PTPRD: variants seen among roughly 807,000 people sequenced by gnomAD.
The protein encoded by PTPRD is receptor-type tyrosine-protein phosphatase delta.
PTPRD carries 34 observed loss-of-function variants against 214.5 expected under a neutral mutation model. The ratio of observed to expected loss-of-function variants is 0.16; its 90% confidence interval spans 0.12 to 0.21. The LOEUF (loss-of-function observed/expected upper bound fraction) is 0.21, where lower values mean the gene tolerates loss of function less well. PTPRD is among the 10% of genes least tolerant of loss of function. The probability of loss-of-function intolerance (pLI) is 1.00; values close to 1 mark genes in which losing one functional copy is unlikely to be tolerated. For missense variants in PTPRD, 2,545 were observed against 2,398.7 expected, an observed-to-expected ratio of 1.06 and a Z score of -1.27; for synonymous variants, 1,128 against 845.7, an observed-to-expected ratio of 1.33 and a Z score of -5.79.
rs114116123 is a variant in PTPRD, at chr9:9,157,974, G to A, written c.-143+25330C>T. 6.3e-3 allele frequency among the ~76,000 whole-genome samples: 956 copies of A among 152,142 alleles called. 10 individuals carry two copies. Among genetic ancestry groups the A allele is most frequent in the African/African-American group, 0.021 (880 of 41,512 alleles). On this transcript the variant is annotated intron_variant, in intron 10 of 45. Coordinates refer to ENST00000381196, the MANE Select transcript of PTPRD (RefSeq NM_002839.4). The stretch of plus-strand genomic sequence containing the variant: ...TTATAAGTAAGAACATGTAGTGTTC[G>A]GTTTTCTGTTCCTGCGTGTTTGCTA...
At chr9:8,526,994 T>C (rs1035557532) in intron 16 of PTPRD, among the ~76,000 whole-genome samples, 5 of 151,848 alleles carry the variant, frequency 3.3e-5, no homozygotes, top group African/African-American at 1.2e-4. Context: ...AAAGACATAG[T>C]TTAGGAAAAT....
chr9:10,576,937 T>C (rs1320904691), intron 2 of PTPRD, among the ~76,000 whole-genome samples: 4 of 150,238 alleles, frequency 2.7e-5, no homozygotes, highest in Non-Finnish European at 4.4e-5. Flanking sequence ...GCCATGTCTC[T>C]AGTACTTATT....
chr9:9,208,722 T>C (rs1309837202), intron 9 of PTPRD, among the ~76,000 whole-genome samples: 1 of 152,086 alleles, frequency 6.6e-6, no homozygotes, highest in Non-Finnish European at 1.5e-5. Flanking sequence ...CATTAGTTTG[T>C]AGACACTAAT....
intron 2 of PTPRD, among the ~76,000 whole-genome samples, chr9:10,459,290 A>G (rs111627052): frequency 0.022 from 3,338 of 152,014 alleles, 101 homozygotes; most frequent in African/African-American, 0.068. Context: ...TCTTTATCCA[A>G]TGTATTATTG....
At chr9:10,133,616 T>C (rs1327959110) in intron 3 of PTPRD, among the ~76,000 whole-genome samples, 2 of 152,138 alleles carry the variant, frequency 1.3e-5, no homozygotes, top group Non-Finnish European at 2.9e-5. Context: ...CTATATAGTA[T>C]GAAATATAAC....
At chr9:8,517,769 CCTT>C in intron 21 of PTPRD, 76 bp downstream of exon 21, 1 of 1,222,036 alleles carries the variant, frequency 8.2e-7, no homozygotes, top group East Asian at 2.4e-5. Flanking sequence ...CATCTTTGTT[CCTT>C]CTTTGTTTTT....
chr9:9,606,850 C>T (rs1297733491), intron 7 of PTPRD, among the ~76,000 whole-genome samples: 2 of 151,398 alleles, frequency 1.3e-5, no homozygotes, highest in Non-Finnish European at 2.9e-5. Flanking sequence ...GTCTGACTAT[C>T]CTCCAAGCAC....
intron 4 of PTPRD, among the ~76,000 whole-genome samples, chr9:10,018,191 AGG>A (rs2096763292): frequency 8.6e-6 from 1 of 116,274 alleles, no homozygotes. Flanking sequence ...GGGGAAGAGG[AGG>A]AGAGAGAGAG....
chr9:9,310,653 C>A (rs1183644242), intron 9 of PTPRD, among the ~76,000 whole-genome samples: 1 of 152,088 alleles, frequency 6.6e-6, no homozygotes, highest in Non-Finnish European at 1.5e-5. Flanking sequence ...TGTGGTGGCT[C>A]GCGCCTGTAA....
At chr9:8,711,977 G>A (rs1282764879) in intron 12 of PTPRD, among the ~76,000 whole-genome samples, 1 of 152,210 alleles carries the variant, frequency 6.6e-6, no homozygotes, top group African/African-American at 2.4e-5. Flanking sequence ...GGCAGTGTGA[G>A]GGAAATTCTG....
intron 8 of PTPRD, among the ~76,000 whole-genome samples, chr9:9,539,221 T>A (rs2077096251): frequency 6.6e-6 from 1 of 151,828 alleles, no homozygotes; most frequent in Admixed American, 6.6e-5. Context: ...GATATGCAGA[T>A]GGGATGCACA....
At chr9:8,812,794 T>G (rs7855611) in intron 11 of PTPRD, among the ~76,000 whole-genome samples, 3,779 of 151,566 alleles carry the variant, frequency 0.025, 103 homozygotes, top group African/African-American at 0.071. Context: ...GATCTTGGAC[T>G]TACCTCAGAA....
chr9:8,320,865 G>T (rs140908458), intron 44 of PTPRD, among the ~76,000 whole-genome samples: 334 of 152,232 alleles, frequency 2.2e-3, no homozygotes, highest in African/African-American at 7.4e-3. Context: ...TTCAGATAAT[G>T]AGGGAAACAG....
At chr9:9,093,008 G>A (rs1042537659) in intron 10 of PTPRD, among the ~76,000 whole-genome samples, 7 of 151,840 alleles carry the variant, frequency 4.6e-5, no homozygotes, top group African/African-American at 1.2e-4. Flanking sequence ...AATGCAGTAC[G>A]AAAGAAAATG....
chr9:9,779,993 C>T (rs1185213621), intron 5 of PTPRD, among the ~76,000 whole-genome samples: 2 of 152,084 alleles, frequency 1.3e-5, no homozygotes, highest in African/African-American at 4.8e-5. Context: ...ATAGCGAAGA[C>T]GACATGGAAT....
chr9:10,353,005 G>C (rs1334154348), intron 2 of PTPRD, among the ~76,000 whole-genome samples: 1 of 151,868 alleles, frequency 6.6e-6, no homozygotes, highest in Non-Finnish European at 1.5e-5. Context: ...AAGCCACAGA[G>C]GGTATGTATG....
intron 9 of PTPRD, among the ~76,000 whole-genome samples, chr9:9,209,987 A>T (rs1384796735): frequency 6.6e-6 from 1 of 152,152 alleles, no homozygotes; most frequent in African/African-American, 2.4e-5. Context: ...CAGATAGATG[A>T]TTATCACGCA....
intron 2 of PTPRD, among the ~76,000 whole-genome samples, chr9:10,546,298 T>C (rs2060158571): frequency 6.6e-6 from 1 of 152,080 alleles, no homozygotes; most frequent in Admixed American, 6.6e-5. Flanking sequence ...ATATGTGATA[T>C]TATCTTAACA....
chr9:9,626,627 G>T (rs1165637301), intron 7 of PTPRD, among the ~76,000 whole-genome samples: 1 of 152,170 alleles, frequency 6.6e-6, no homozygotes, highest in Non-Finnish European at 1.5e-5. Context: ...AGTCAGGTAT[G>T]TTTTAATTCA....
Sources: allele counts gnomAD v4.1 joint callset (sites outside exome capture counted in the v4.1 genomes callset), GRCh38; gene constraint gnomAD v4.1.1; transcripts MANE v1.5; gene names NCBI Gene and HGNC (gene_info 2026-07-23, HGNC 2026-07-21).